REL: variants seen among roughly 807,000 people sequenced by gnomAD.
The protein encoded by REL is REL proto-oncogene, NF-kB subunit.
In REL, 15 loss-of-function variants were observed where a neutral mutation model predicts 45.9. That is an observed-to-expected ratio of 0.33 (90% CI 0.22 to 0.50). The LOEUF (loss-of-function observed/expected upper bound fraction) is 0.50, where lower values mean the gene tolerates loss of function less well. Ranked by LOEUF, REL falls within the 20% of genes least tolerant of loss-of-function variation. REL has a pLI of 0.98. For synonymous variants in REL, 239 were observed against 242.1 expected, an observed-to-expected ratio of 0.99 and a Z score of 0.12; for missense variants, 601 against 715.2, an observed-to-expected ratio of 0.84 and a Z score of 1.82.
rs1350649315 is a variant in REL, at chr2:60,929,113, A to T, written c.*6578A>T. ...CATCAGAGAAATGCAAATCAAAACC[A>T]CAATGAGATACCATCTCACACCAGT... On this transcript the variant is annotated 3_prime_UTR_variant, in exon 10 of 10. Coordinates refer to ENST00000394479, the MANE Select transcript of REL (RefSeq NM_001291746.2). 2.6e-5 allele frequency: 4 copies of T among 151,464 alleles called. No homozygotes were observed. The East Asian group carries it at 7.7e-4, about 29-fold the overall frequency. The allele number at this position is 151,464 out of a possible 1,614,324, so 9.4% of individuals were successfully genotyped here.
intron 4 of REL, among the ~76,000 whole-genome samples, chr2:60,904,872 G>C (rs1313580057): frequency 6.6e-6 from 1 of 152,048 alleles, no homozygotes; most frequent in African/African-American, 2.4e-5. Flanking sequence ...CCTGAGCGAC[G>C]GAACAAGACC....
At chr2:60,906,911 A>ATTTTTTTT (rs1285004419) in intron 4 of REL, among the ~76,000 whole-genome samples, 2 of 108,978 alleles carry the variant, frequency 1.8e-5, no homozygotes, top group African/African-American at 3.9e-5. Context: ...ATATATATAT[A>ATTTTTTTT]TATTTTTTTT....
chr2:60,886,973 A>C (rs530771647), intron 1 of REL, among the ~76,000 whole-genome samples: 2 of 152,168 alleles, frequency 1.3e-5, no homozygotes, highest in African/African-American at 2.4e-5. Context: ...ACAGTAATCA[A>C]TTTGTTTAGA....
rs1248042376 is a variant in REL at position 60,902,954 on chromosome 2, TAC to T, written c.394+1874_394+1875del. ...TTTGTTTTAAAAGCTCCACTGAATA[TAC>T]ACTGTGAGCTCTTGTGTGATTATTT... On this transcript the variant is annotated intron_variant, in intron 4 of 9. Transcript: ENST00000394479. Among the ~76,000 whole-genome samples, 3 of 152,340 alleles carry T rather than the reference TAC, an allele frequency of 2.0e-5. No homozygotes were observed. In the East Asian group the frequency reaches 5.8e-4, roughly 29 times the overall value.
In REL at chr2:60,928,040, A is replaced by G. The variant is rs181887010; in HGVS notation, c.*5505A>G. 1 of 197,302 alleles carries G rather than the reference A, an allele frequency of 5.1e-6. No individual in the cohort carries two copies. The highest frequency in any genetic ancestry group is 2.3e-5 in the African/African-American group (1 of 43,192). The allele number at this position is 197,302 out of a possible 1,614,324, so 12.2% of individuals were successfully genotyped here. A position where few individuals can be genotyped will look rare whatever the true frequency, so the allele number is the denominator to read the frequency against. On this transcript the variant is annotated 3_prime_UTR_variant, in exon 10 of 10. Coordinates refer to ENST00000394479, the MANE Select transcript of REL (RefSeq NM_001291746.2). Reference sequence around the variant, plus strand: ...GAGAGACATGGAGCAGGGCACTGGCATGGTGGATGGATCACGCCTGTAATC... The same window carrying G: ...GAGAGACATGGAGCAGGGCACTGGCGTGGTGGATGGATCACGCCTGTAATC...
intron 4 of REL, among the ~76,000 whole-genome samples, chr2:60,909,284 T>C (rs1238120112): frequency 1.3e-5 from 2 of 152,220 alleles, no homozygotes; most frequent in Non-Finnish European, 2.9e-5. Flanking sequence ...ATTAATGATA[T>C]ACTTCTAGTA....
At chr2:60,892,758 A>T (rs907051927) in intron 2 of REL, among the ~76,000 whole-genome samples, 1 of 150,572 alleles carries the variant, frequency 6.6e-6, no homozygotes, top group Non-Finnish European at 1.5e-5. Flanking sequence ...TTATTTTTTT[A>T]TTTTTTATTT....
chr2:60,921,596 C>T (rs1283910661), intron 9 of REL, among the ~76,000 whole-genome samples, 167 bp from the exon 10 acceptor site: 2 of 151,956 alleles, frequency 1.3e-5, no homozygotes, highest in Non-Finnish European at 2.9e-5. Context: ...ATTTTGGATT[C>T]GTGTAATAAT....
In REL at chr2:60,916,919, A is replaced by G. The variant is rs1205818356; in HGVS notation, c.437A>G (p.Asn146Ser). The G allele has an allele frequency of 3.1e-6, 5 of 1,613,408 alleles. No individual in the cohort carries two copies. Among genetic ancestry groups the G allele is most frequent in the Non-Finnish European group, 3.4e-6 (4 of 1,179,678 alleles). ...AATGATATTGAAGATTGTGACCTCA[A>G]TGTGGTGAGACTGTGTTTTCAAGTT... ...QLNDIEDCDL[N>S]VVRLCFQVFL... is the part of the protein sequence containing the mutation. Residue 146 changes from asparagine to serine, a missense_variant, in exon 5 of 10, where the codon AAT becomes AGT. Asn to Ser is a conservative substitution (Grantham distance 46, BLOSUM62 1). Transcript: ENST00000394479.
chr2:60,926,661 C>G lies in REL; in HGVS notation c.*4126C>G, dbSNP rs1674275431. On this transcript the variant is annotated 3_prime_UTR_variant, in exon 10 of 10. Coordinates refer to ENST00000394479, the MANE Select transcript of REL (RefSeq NM_001291746.2). ...CATGCTACCTGAATGTCCTGATAAA[C>G]TGGCTCGCTCTCTTCTTTACCTTCC... 4.4e-6 allele frequency: 1 copy of G among 229,250 alleles called. No homozygotes were observed. Among genetic ancestry groups the G allele is most frequent in the Non-Finnish European group, 8.7e-6 (1 of 115,564 alleles). 14.2% of individuals were successfully genotyped at this position (229,250 alleles called of 1,614,324 possible).
At position 60,931,042 on chromosome 2, in the gene REL, CAT is replaced by C. The variant is rs1430079839; in HGVS notation, c.*8509_*8510del. On this transcript the variant is annotated 3_prime_UTR_variant, in exon 10 of 10. Coordinates refer to ENST00000394479, the MANE Select transcript of REL (RefSeq NM_001291746.2). Reference sequence around the variant, plus strand: ...TCTTAAACTTTATTATCTAATCAAACATAGTTTTCCATAAGATGTAATAAAAT... The same window carrying C: ...TCTTAAACTTTATTATCTAATCAAACAGTTTTCCATAAGATGTAATAAAAT... The C allele has an allele frequency of 6.6e-6, 1 of 152,326 alleles. No homozygotes were observed. Among genetic ancestry groups the C allele is most frequent in the Admixed American group, 6.5e-5 (1 of 15,286 alleles). The allele number at this position is 152,326 out of a possible 1,614,324, so 9.4% of individuals were successfully genotyped here.
In REL at chr2:60,894,553, C is replaced by T. The variant is rs989156167; in HGVS notation, c.302+8C>T. 1.3e-6 allele frequency: 2 copies of T among 1,572,588 alleles called. No homozygotes were observed. Among genetic ancestry groups the T allele is most frequent in the Non-Finnish European group, 1.7e-6 (2 of 1,159,034 alleles). On this transcript the variant is annotated splice_region_variant and intron_variant, in intron 3 of 9. Coordinates refer to ENST00000394479, the MANE Select transcript of REL (RefSeq NM_001291746.2). ...AGAACGCAGACCTTTGTTGTAAGTA[C>T]ACAGTTACAGACATCTTCAGAAATA...
At chr2:60,894,616 A>T (rs999477462) in intron 3 of REL, 71 bp downstream of exon 3, 1 of 1,184,326 alleles carries the variant, frequency 8.4e-7, no homozygotes, top group African/African-American at 1.6e-5. Flanking sequence ...TCTCCATGAC[A>T]ATCTGTTACT....
At chr2:60,913,115 C>G (rs777460382) in intron 4 of REL, among the ~76,000 whole-genome samples, 1 of 151,936 alleles carries the variant, frequency 6.6e-6, no homozygotes, top group African/African-American at 2.4e-5. Context: ...TTTTTCAGTT[C>G]TAGAATTTGA....
In REL at chr2:60,930,542, C is replaced by T. The variant is rs1400359142; in HGVS notation, c.*8007C>T. On this transcript the variant is annotated 3_prime_UTR_variant, in exon 10 of 10. Transcript: ENST00000394479. ...AGTCAAATTAATATTTTAACTAATACATCTTAGCAGAGTTTAGTTAAGCAC... is the reference window on the plus strand; with the variant it reads ...AGTCAAATTAATATTTTAACTAATATATCTTAGCAGAGTTTAGTTAAGCAC... 2.0e-5 allele frequency: 3 copies of T among 152,254 alleles called. No individual in the cohort carries two copies. Among genetic ancestry groups the T allele is most frequent in the Admixed American group, 1.3e-4 (2 of 15,272 alleles). 9.4% of individuals were successfully genotyped at this position (152,254 alleles called of 1,614,324 possible).
chr2:60,917,860 G>C (rs1674026532), intron 5 of REL, among the ~76,000 whole-genome samples: 1 of 152,006 alleles, frequency 6.6e-6, no homozygotes, highest in South Asian at 2.1e-4. Context: ...TATTGCCATA[G>C]GGAAAATTGT....
chr2:60,920,122 T>C lies in REL; in HGVS notation c.922+13T>C, dbSNP rs746485535. The C allele has an allele frequency of 6.4e-7, 1 of 1,565,610 alleles. No individual in the cohort carries two copies. The highest frequency in any genetic ancestry group is 1.2e-5 in the South Asian group (1 of 86,630). ...TGCCAGGATCACGGTAAGAATAGTT[T>C]GGATCGATTCATATTTAAATAGGTT... On this transcript the variant is annotated intron_variant, in intron 8 of 9. Coordinates refer to ENST00000394479, the MANE Select transcript of REL (RefSeq NM_001291746.2).
At position 60,918,188 on chromosome 2, in the gene REL, T is replaced by C. The variant is rs1411403678; in HGVS notation, c.536-3T>C. The C allele has an allele frequency of 3.8e-6, 6 of 1,560,598 alleles. No homozygotes were observed. The highest frequency in any genetic ancestry group is 3.5e-5 in the South Asian group (3 of 85,530). ...CATTTTTTTGAAAATCCTTTATATT[T>C]AGGTGCTCCAAATACTGCAGAATTA... On this transcript the variant is annotated splice_polypyrimidine_tract_variant and splice_region_variant and intron_variant, in intron 5 of 9. Transcript: ENST00000394479.
intron 1 of REL, among the ~76,000 whole-genome samples, chr2:60,889,158 A>T (rs978491072): frequency 2.0e-5 from 3 of 152,038 alleles, no homozygotes; most frequent in African/African-American, 7.2e-5. Flanking sequence ...TCTTAAATAA[A>T]CCCTCCTCTG....
Sources: allele counts gnomAD v4.1 joint callset (sites outside exome capture counted in the v4.1 genomes callset), GRCh38; gene constraint gnomAD v4.1.1; transcripts MANE v1.5; gene names NCBI Gene and HGNC (gene_info 2026-07-23, HGNC 2026-07-21).